AIFM2: variants seen among roughly 807,000 people sequenced by gnomAD.
The protein encoded by AIFM2 is ferroptosis suppressor protein 1.
AIFM2 carries 38 observed loss-of-function variants against 35.7 expected under a neutral mutation model. The observed-to-expected ratio is 1.06, with a 90% CI of 0.82 to 1.39. AIFM2 has a LOEUF of 1.39. Ranked by LOEUF, AIFM2 falls within the 40% of genes most tolerant of loss-of-function variation. The pLI, the probability that AIFM2 is intolerant of heterozygous loss-of-function variation, is 0.00. For synonymous variants in AIFM2, 185 were observed against 203.5 expected (o/e 0.91, Z 0.77); for missense variants, 476 against 491.2 (o/e 0.97, Z 0.29).
intron 1 of AIFM2, among the ~76,000 whole-genome samples, chr10:70,132,237 A>G (rs1048147104): frequency 6.6e-6 from 1 of 151,706 alleles, no homozygotes; most frequent in Non-Finnish European, 1.5e-5. Flanking sequence ...CTAGTGCTGC[A>G]CCCCCCAGCT....
In AIFM2 at chr10:70,117,202, G is replaced by A. The variant is rs1422272334; in HGVS notation, c.617-428C>T. 6.6e-6 allele frequency among the ~76,000 whole-genome samples: 1 copy of A among 152,196 alleles called. No homozygotes were observed. On this transcript the variant is annotated intron_variant, in intron 6 of 8. Coordinates refer to ENST00000307864, the MANE Select transcript of AIFM2 (RefSeq NM_032797.6). The surrounding 1 kb of genome is among the most constrained non-coding windows in gnomAD (Gnocchi z 4.7). ...ACTCACTGCCTAAAGTGACAGTGAC[G>A]GCAGCACTCCACAGCCAGTTACCAA...
chr10:70,120,595 T>C lies in AIFM2; in HGVS notation c.419A>G (p.Gln140Arg), dbSNP rs1418501152. ...QAYEDMVRQV[Q>R]RSRFIVVVGG... ...CACCACCACGATGAACCGTGAGCGCTGGACCTGGAGAAGAGGACATGTGAA... is the reference window on the plus strand; with the variant it reads ...CACCACCACGATGAACCGTGAGCGCCGGACCTGGAGAAGAGGACATGTGAA... The change falls in exon 5 of 9, where the codon CAG becomes CGG. Residue 140 changes from glutamine to arginine, a missense_variant. Physicochemically the swap from Gln to Arg is conservative, Grantham distance 43. Transcript: ENST00000307864. 1 of 1,614,102 alleles carries C rather than the reference T, an allele frequency of 6.2e-7. No homozygotes were observed. Among genetic ancestry groups the C allele is most frequent in the Non-Finnish European group, 8.5e-7 (1 of 1,180,022 alleles).
chr10:70,120,382 C>T (rs2136657460), intron 5 of AIFM2, 125 bp downstream of exon 5: 4 of 975,238 alleles, frequency 4.1e-6, no homozygotes, highest in Non-Finnish European at 6.5e-6. Context: ...AACAGAAATA[C>T]ACACTCCCAG....
Position 70,123,506 on chromosome 10 carries a change from T to C in AIFM2, c.193A>G (p.Thr65Ala), listed in dbSNP as rs745598571. The C allele has an allele frequency of 1.2e-6, 2 of 1,614,030 alleles. No homozygotes were observed. Among genetic ancestry groups the C allele is most frequent in the Middle Eastern group, 1.6e-4 (1 of 6,062 alleles). The stretch of plus-strand genomic sequence containing the variant: ...AAAGTCACCGAGTAAGAAATGAATG[T>C]CTTTTTGGCGAACCCTGGGGAAGGG... ...ASVETGFAKK[T>A]FISYSVTFKD... The change falls in exon 3 of 9, where the codon ACA becomes GCA. Residue 65 changes from threonine to alanine, a missense_variant. Coordinates refer to ENST00000307864, the MANE Select transcript of AIFM2 (RefSeq NM_032797.6).
intron 8 of AIFM2, 176 bp downstream of exon 8, chr10:70,114,744 G>A: frequency 1.3e-6 from 1 of 783,892 alleles, no homozygotes; most frequent in Admixed American, 2.6e-5. Flanking sequence ...AAAGTGCTGG[G>A]GTTACAGGTG....
At position 70,113,247 on chromosome 10, in the gene AIFM2, G is replaced by C. The variant is rs1311683945; in HGVS notation, c.*931C>G. On this transcript the variant is annotated 3_prime_UTR_variant, in exon 9 of 9. Coordinates refer to ENST00000307864, the MANE Select transcript of AIFM2 (RefSeq NM_032797.6). Reference sequence around the variant, plus strand: ...TAGGATCTAAAAGTGGAAATGTGCTGGCCGCAGTGGCTCACGCCTGGAATC... The same window carrying C: ...TAGGATCTAAAAGTGGAAATGTGCTCGCCGCAGTGGCTCACGCCTGGAATC... 2.0e-5 allele frequency: 3 copies of C among 152,274 alleles called. No homozygotes were observed. In the East Asian group the frequency reaches 5.8e-4, roughly 29 times the overall value. The allele number at this position is 152,274 out of a possible 1,614,324, so 9.4% of individuals were successfully genotyped here. A position where few individuals can be genotyped will look rare whatever the true frequency, so the allele number is the denominator to read the frequency against.
Position 70,117,862 on chromosome 10 carries a change from CGG to C in AIFM2, c.564_565del (p.Arg189AlafsTer18). The C allele has an allele frequency of 6.2e-7, 1 of 1,605,042 alleles. No individual in the cohort carries two copies. The highest frequency in any genetic ancestry group is 1.1e-5 in the South Asian group (1 of 89,974). On this transcript the variant is annotated frameshift_variant, in exon 6 of 9. Transcript: ENST00000307864. LOFTEE classifies it high-confidence loss of function. The surrounding 1 kb of genome is among the most constrained non-coding windows in gnomAD (Gnocchi z 4.7). ...GAGGAGGATCTCCTTCACTTCCTGC[CGG>C]ACGGAGGGCAGGAGCTCCTTGTCAG...
At chr10:70,127,617 A>G (rs991698841) in intron 1 of AIFM2, among the ~76,000 whole-genome samples, 1 of 152,190 alleles carries the variant, frequency 6.6e-6, no homozygotes, top group African/African-American at 2.4e-5. Context: ...GGTTTCCTCC[A>G]GGGAAAGAAA....
rs376653398 is a variant in AIFM2, at chr10:70,126,159, T to C, written c.-13-2062A>G. On this transcript the variant is annotated intron_variant, in intron 1 of 8. Transcript: ENST00000307864. ...GGTGTGGGAGGAGCCGCACAGCCCA[T>C]TGAGGGGCACTCTTGACTGCAGCTG... 9.9e-5 allele frequency among the ~76,000 whole-genome samples: 15 copies of C among 152,176 alleles called. 1 individual carries two copies. The highest frequency in any genetic ancestry group is 7.7e-4 in the East Asian group (4 of 5,194).
At chr10:70,125,110 T>C (rs2072550593) in intron 1 of AIFM2, among the ~76,000 whole-genome samples, 1 of 152,166 alleles carries the variant, frequency 6.6e-6, no homozygotes. Flanking sequence ...CACTGGGCCC[T>C]TGATCTTGGA....
intron 7 of AIFM2, 74 bp from the exon 8 acceptor site, chr10:70,115,194 C>G: frequency 6.7e-7 from 1 of 1,503,568 alleles, no homozygotes; most frequent in South Asian, 1.2e-5. Flanking sequence ...GAGGAGAGGG[C>G]GAGCTCTAGA....
intron 7 of AIFM2, 89 bp downstream of exon 7, chr10:70,116,533 T>C: frequency 6.6e-7 from 1 of 1,520,698 alleles, no homozygotes; most frequent in Non-Finnish European, 9.0e-7. Flanking sequence ...CAGCAAGGTG[T>C]GGACTCCTGG....
In AIFM2 at chr10:70,120,515, C is replaced by T. The variant is rs1488561631; in HGVS notation, c.499G>A (p.Glu167Lys). ...AAGGCAGCCTGGCTCACCTCTTTCTCAGGATATTCTGTTTTAATCTCTGCT... is the reference window on the plus strand; with the variant it reads ...AAGGCAGCCTGGCTCACCTCTTTCTTAGGATATTCTGTTTTAATCTCTGCT... ...MAAEIKTEYP[E>K]KEVTLIHSQV... The change falls in exon 5 of 9, where the codon GAG becomes AAG. Residue 167 changes from glutamate to lysine, a missense_variant. Transcript: ENST00000307864. 1 of 1,614,190 alleles carries T rather than the reference C, an allele frequency of 6.2e-7. No individual in the cohort carries two copies. The highest frequency in any genetic ancestry group is 1.1e-5 in the South Asian group (1 of 91,084).
In AIFM2 at chr10:70,123,919, A is replaced by G. The variant is rs773711967; in HGVS notation, c.166T>C (p.Ser56Pro). 8.2e-6 allele frequency: 13 copies of G among 1,586,952 alleles called. No individual in the cohort carries two copies. Among genetic ancestry groups the G allele is most frequent in the Non-Finnish European group, 1.1e-5 (13 of 1,161,458 alleles). The change falls in exon 2 of 9, where the codon TCC becomes CCC. Residue 56 changes from serine (S) to proline (P), a missense_variant. Ser to Pro is a moderately conservative substitution (Grantham distance 74). Transcript: ENST00000307864. ...GGGAGCACATTACCTGTCTCCACGGAGGCTCGGAGAGCAGCCACATTGTGG... is the reference window on the plus strand; with the variant it reads ...GGGAGCACATTACCTGTCTCCACGGGGGCTCGGAGAGCAGCCACATTGTGG... ...FHHNVAALRA[S>P]VETGFAKKTF...
In AIFM2 at chr10:70,123,972, A is replaced by G. The variant is rs575004233; in HGVS notation, c.113T>C (p.Met38Thr). Residue 38 changes from methionine to threonine, a missense_variant, in exon 2 of 9, where the codon ATG becomes ACG. Transcript: ENST00000307864. ...GAAGGAGTCCTTCATGTCCACCAGC[A>G]TGAAGGGGACGTTCAGGGCCTGCAG... is the stretch of plus-strand genomic sequence containing the variant. ...SQLQALNVPF[M>T]LVDMKDSFHH... 83 of 1,613,148 alleles carry G rather than the reference A, an allele frequency of 5.1e-5. 1 individual carries two copies. In the East Asian group the frequency reaches 1.8e-3, roughly 35 times the overall value.
chr10:70,124,002 C>T lies in AIFM2; in HGVS notation c.83G>A (p.Ser28Asn). The change falls in exon 2 of 9, where the codon AGC becomes AAC. Residue 28 changes from serine to asparagine, a missense_variant. Physicochemically the swap from Ser to Asn is conservative, Grantham distance 46. Coordinates refer to ENST00000307864, the MANE Select transcript of AIFM2 (RefSeq NM_032797.6). Reference sequence around the variant, plus strand: ...GGGGACGTTCAGGGCCTGCAGCTGGCTGGCTGCTGCGATCCCGCCAAAGCC... The same window carrying T: ...GGGGACGTTCAGGGCCTGCAGCTGGTTGGCTGCTGCGATCCCGCCAAAGCC... The part of the protein sequence containing the change: ...GGGFGGIAAA[S>N]QLQALNVPFM... The T allele has an allele frequency of 6.2e-7, 1 of 1,612,992 alleles. No homozygotes were observed. Among genetic ancestry groups the T allele is most frequent in the Non-Finnish European group, 8.5e-7 (1 of 1,179,416 alleles).
intron 3 of AIFM2, among the ~76,000 whole-genome samples, chr10:70,122,079 C>T (rs968019187): frequency 4.6e-5 from 7 of 151,660 alleles, no homozygotes; most frequent in South Asian, 2.1e-4. Flanking sequence ...GCAACAAGAG[C>T]GAAACTCCAT....
rs2072498288 is a variant in AIFM2, at chr10:70,121,075, T to A, written c.414+17A>T. On this transcript the variant is annotated intron_variant, in intron 4 of 8. Coordinates refer to ENST00000307864, the MANE Select transcript of AIFM2 (RefSeq NM_032797.6). ...CCATCTGCCCACACTGCCCCATGCC[T>A]TCAGTGCACAGCTCACCTGCCTCAC... The A allele has an allele frequency of 6.2e-7, 1 of 1,606,346 alleles. No homozygotes were observed.
chr10:70,116,782 G>C lies in AIFM2; in HGVS notation c.617-8C>G, dbSNP rs1420552158. On this transcript the variant is annotated splice_polypyrimidine_tract_variant and splice_region_variant and intron_variant, in intron 6 of 8. Transcript: ENST00000307864. ...GATTGCTCACCCGCTCACCTAGAAG[G>C]GGGTTCATGACCAGGAGGCTGGTGG... The C allele has an allele frequency of 6.2e-7, 1 of 1,613,488 alleles. No homozygotes were observed. The highest frequency in any genetic ancestry group is 8.5e-7 in the Non-Finnish European group (1 of 1,179,602).
Sources: gnomAD v4.1 joint callset for allele counts (sites outside exome capture counted in the v4.1 genomes callset) on GRCh38, gnomAD v4.1.1 for gene constraint, Gnocchi (gnomAD v3.1) non-coding constraint, MANE v1.5 for transcripts, NCBI Gene and HGNC (gene_info 2026-07-23, HGNC 2026-07-21) for gene names.